The following CERS3 variants were observed in gnomAD, a reference collection of about 807,000 sequenced individuals.
The protein encoded by CERS3 is ceramide synthase 3, also known as LAG1 homolog, ceramide synthase 3.
A neutral mutation model predicts 50.3 loss-of-function variants in CERS3; 33 were observed. The observed-to-expected ratio is 0.66, with a 90% confidence interval of 0.50 to 0.88. The LOEUF is 0.88. CERS3 is among the 40% of genes least tolerant of loss of function. CERS3 has a pLI of 0.00. For synonymous variants in CERS3, 176 were observed against 155.2 expected (o/e 1.13, Z -0.99); for missense variants, 470 against 460.3 (o/e 1.02, Z -0.19).
chr15:100,495,290 G>A (rs573148056), intron 3 of CERS3, among the ~76,000 whole-genome samples: 1 of 152,158 alleles, frequency 6.6e-6, no homozygotes, highest in Admixed American at 6.5e-5. Context: ...ATGGGAACAG[G>A]GCAAGTTAAA....
chr15:100,529,121 T>C (rs1257944547), upstream of CERS3: 1 of 152,244 alleles, frequency 6.6e-6, no homozygotes, highest in Non-Finnish European at 1.5e-5. Flanking sequence ...GAGTTACAAA[T>C]GCATCAGTTG....
chr15:100,513,795 C>T (rs1420138711), intron 2 of CERS3, among the ~76,000 whole-genome samples: 1 of 152,112 alleles, frequency 6.6e-6, no homozygotes, highest in Non-Finnish European at 1.5e-5. Flanking sequence ...CCTCAGCTTT[C>T]CAAAGTGCTG....
At chr15:100,526,092 C>A (rs369783885) in intron 1 of CERS3, among the ~76,000 whole-genome samples, 5 of 152,234 alleles carry the variant, frequency 3.3e-5, no homozygotes, top group Non-Finnish European at 5.9e-5. Flanking sequence ...TCTGCAGTTT[C>A]TCTGGATTCA....
At chr15:100,427,607 C>T (rs147727554) in intron 11 of CERS3, among the ~76,000 whole-genome samples, 1 of 152,288 alleles carries the variant, frequency 6.6e-6, no homozygotes, top group East Asian at 1.9e-4. Context: ...TGCTTTGAGG[C>T]CCACCTCAGT....
intron 4 of CERS3, among the ~76,000 whole-genome samples, chr15:100,488,572 C>T (rs1231997518): frequency 1.3e-5 from 2 of 152,178 alleles, no homozygotes; most frequent in South Asian, 2.1e-4. Flanking sequence ...AAGTCATGAA[C>T]TCTGTCCTCC....
chr15:100,517,657 A>T (rs2036528673), intron 2 of CERS3, among the ~76,000 whole-genome samples: 1 of 152,216 alleles, frequency 6.6e-6, no homozygotes, highest in African/African-American at 2.4e-5. Context: ...CAAGCTCCAA[A>T]TTTTAATATT....
intron 11 of CERS3, among the ~76,000 whole-genome samples, chr15:100,405,092 G>C (rs1008371388): frequency 2.6e-5 from 4 of 152,140 alleles, no homozygotes; most frequent in African/African-American, 9.6e-5. Flanking sequence ...TGGCAAACTG[G>C]AATTCATCAA....
At chr15:100,405,117 G>T (rs993459945) in intron 11 of CERS3, among the ~76,000 whole-genome samples, 3 of 151,762 alleles carry the variant, frequency 2.0e-5, no homozygotes, top group African/African-American at 4.8e-5. Context: ...AAAAACTTTT[G>T]CCCTAAGACA....
At chr15:100,474,507 C>T (rs914815416) in intron 8 of CERS3, among the ~76,000 whole-genome samples, 9 of 152,098 alleles carry the variant, frequency 5.9e-5, no homozygotes, top group African/African-American at 2.2e-4. Context: ...CAGGTTCAAG[C>T]GATTCTCCTG....
chr15:100,477,554 T>C (rs1434403313), intron 7 of CERS3, among the ~76,000 whole-genome samples: 1 of 152,144 alleles, frequency 6.6e-6, no homozygotes, highest in Non-Finnish European at 1.5e-5. Context: ...AGAAGAAAAA[T>C]GCACTAGAGC....
intron 11 of CERS3, among the ~76,000 whole-genome samples, chr15:100,429,141 C>T (rs2032983635): frequency 6.6e-6 from 1 of 152,202 alleles, no homozygotes; most frequent in Non-Finnish European, 1.5e-5. Context: ...CTAGAAGCCA[C>T]TTTATAGCAC....
intron 1 of CERS3, among the ~76,000 whole-genome samples, chr15:100,524,023 T>G (rs1297904691): frequency 6.6e-6 from 1 of 152,204 alleles, no homozygotes; most frequent in Non-Finnish European, 1.5e-5. Context: ...GTACCAATGT[T>G]GTCATAAATC....
At chr15:100,527,414 TC>T (rs143707638) in intron 1 of CERS3, among the ~76,000 whole-genome samples, 2,484 of 152,314 alleles carry the variant, frequency 0.016, 65 homozygotes, top group African/African-American at 0.057. Flanking sequence ...CACCAAGCCT[TC>T]CTCCAACAGC....
At chr15:100,423,491 C>T (rs1567603188) in intron 11 of CERS3, among the ~76,000 whole-genome samples, 1 of 152,074 alleles carries the variant, frequency 6.6e-6, no homozygotes, top group Non-Finnish European at 1.5e-5. Flanking sequence ...AGCTGGAGGC[C>T]ATTATCCCAA....
intron 11 of CERS3, among the ~76,000 whole-genome samples, chr15:100,436,666 C>T (rs2033421663): frequency 6.6e-6 from 1 of 151,894 alleles, no homozygotes; most frequent in African/African-American, 2.4e-5. Flanking sequence ...AAATAAGATG[C>T]TAATAAGAAA....
chr15:100,435,273 C>T (rs541338127), intron 11 of CERS3, among the ~76,000 whole-genome samples: 1 of 152,302 alleles, frequency 6.6e-6, no homozygotes, highest in Non-Finnish European at 1.5e-5. Context: ...TACGGAAGAT[C>T]CCTCGTGTGA....
At chr15:100,502,149 G>A (rs915658482) in intron 2 of CERS3, among the ~76,000 whole-genome samples, 3 of 151,552 alleles carry the variant, frequency 2.0e-5, no homozygotes, top group African/African-American at 7.3e-5. Context: ...GGAGGCTGTG[G>A]CAGGAGAATA....
At chr15:100,533,648 C>A (rs1388269854), upstream of CERS3, among the ~76,000 whole-genome samples, 2 of 150,840 alleles carry the variant, frequency 1.3e-5, no homozygotes, top group African/African-American at 4.9e-5. Context: ...ACCTCCACCT[C>A]CCGGGTTGAA....
chr15:100,412,279 C>T (rs1298207915), intron 11 of CERS3, among the ~76,000 whole-genome samples: 1 of 152,076 alleles, frequency 6.6e-6, no homozygotes, highest in African/African-American at 2.4e-5. Flanking sequence ...CATTCTTTTG[C>T]ATGTGGATAT....
Sources: gnomAD v4.1 joint callset for allele counts (sites outside exome capture counted in the v4.1 genomes callset) on GRCh38, gnomAD v4.1.1 for gene constraint, MANE v1.5 for transcripts, NCBI Gene and HGNC (gene_info 2026-07-23, HGNC 2026-07-21) for gene names.